The following SH3RF3 variants were observed in gnomAD, a reference collection of about 807,000 sequenced individuals.
SH3RF3 encodes E3 ubiquitin-protein ligase SH3RF3.
In SH3RF3, 29 loss-of-function variants were observed where a neutral mutation model predicts 66.3. The observed-to-expected ratio is 0.44, with a 90% confidence interval of 0.33 to 0.60. The LOEUF is 0.60. Ranked by LOEUF, SH3RF3 falls within the 20% of genes least tolerant of loss-of-function variation. The pLI is 0.04. For missense variants in SH3RF3, 1,194 were observed against 1,190.9 expected, an observed-to-expected ratio of 1.00 and a Z score of -0.04; for synonymous variants, 583 against 532.0, an observed-to-expected ratio of 1.10 and a Z score of -1.32.
chr2:109,300,154 G>A (rs1268344878), intron 1 of SH3RF3, among the ~76,000 whole-genome samples: 1 of 152,096 alleles, frequency 6.6e-6, no homozygotes, highest in Non-Finnish European at 1.5e-5. Context: ...ACAGGGATGG[G>A]AAGAATAATG....
At chr2:109,174,070 C>T (rs534089320) in intron 1 of SH3RF3, among the ~76,000 whole-genome samples, 1 of 152,216 alleles carries the variant, frequency 6.6e-6, no homozygotes, top group Non-Finnish European at 1.5e-5. Flanking sequence ...CACAGTGTCC[C>T]CATAGCCTTC....
chr2:109,301,847 G>C (rs767511028), intron 1 of SH3RF3, among the ~76,000 whole-genome samples: 69 of 152,164 alleles, frequency 4.5e-4, no homozygotes, highest in Admixed American at 5.9e-4. Flanking sequence ...TAGCATGTTT[G>C]AGAATTTTGG....
At chr2:109,216,727 T>A (rs1679108943) in intron 1 of SH3RF3, among the ~76,000 whole-genome samples, 1 of 152,238 alleles carries the variant, frequency 6.6e-6, no homozygotes, top group Non-Finnish European at 1.5e-5. Context: ...TGTCTGATCA[T>A]TTGCTAGGAC....
At chr2:109,141,584 C>T (rs1676950580) in intron 1 of SH3RF3, 1 of 154,938 alleles carries the variant, frequency 6.5e-6, no homozygotes, top group African/African-American at 2.4e-5. Flanking sequence ...CTCCAACCCA[C>T]TGCACTTTTC....
chr2:109,334,192 C>A (rs942676476), intron 1 of SH3RF3, among the ~76,000 whole-genome samples: 2 of 151,836 alleles, frequency 1.3e-5, no homozygotes. Flanking sequence ...CCCGTCCCTA[C>A]AAAAAAATAG....
At chr2:109,295,989 T>C (rs111377907) in intron 1 of SH3RF3, among the ~76,000 whole-genome samples, 5,646 of 152,142 alleles carry the variant, frequency 0.037, 264 homozygotes, top group African/African-American at 0.1. Context: ...TATAGCTTGG[T>C]TGGAGACTGA....
chr2:109,178,218 T>A (rs1677972722), intron 1 of SH3RF3, among the ~76,000 whole-genome samples: 1 of 152,256 alleles, frequency 6.6e-6, no homozygotes, highest in African/African-American at 2.4e-5. Context: ...ATTTCATACA[T>A]TGCAGAGTCA....
chr2:109,235,721 C>T (rs560134436), intron 1 of SH3RF3, among the ~76,000 whole-genome samples: 1 of 152,224 alleles, frequency 6.6e-6, no homozygotes, highest in Non-Finnish European at 1.5e-5. Flanking sequence ...CGAGGCATCC[C>T]TGTGGGAAGT....
At chr2:109,226,721 G>A (rs943236053) in intron 1 of SH3RF3, among the ~76,000 whole-genome samples, 1 of 152,134 alleles carries the variant, frequency 6.6e-6, no homozygotes, top group African/African-American at 2.4e-5. Flanking sequence ...GGATCTCCAC[G>A]CAGAAGGCGT....
At chr2:109,162,628 G>A (rs977861587) in intron 1 of SH3RF3, among the ~76,000 whole-genome samples, 1 of 152,096 alleles carries the variant, frequency 6.6e-6, no homozygotes, top group Non-Finnish European at 1.5e-5. Context: ...GTCTATCATT[G>A]TTGGACATTT....
At chr2:109,285,060 A>G (rs975723713) in intron 1 of SH3RF3, among the ~76,000 whole-genome samples, 7 of 152,214 alleles carry the variant, frequency 4.6e-5, no homozygotes, top group Non-Finnish European at 1.0e-4. Flanking sequence ...CCGGCCACAC[A>G]GCCCTGTCCT....
At chr2:109,307,872 C>T (rs1681636619) in intron 1 of SH3RF3, among the ~76,000 whole-genome samples, 1 of 127,950 alleles carries the variant, frequency 7.8e-6, no homozygotes, top group South Asian at 2.5e-4. Flanking sequence ...TGAATAATGC[C>T]GCAGTAAACA....
intron 1 of SH3RF3, among the ~76,000 whole-genome samples, chr2:109,216,626 G>T (rs996080350): frequency 6.6e-6 from 1 of 152,192 alleles, no homozygotes; most frequent in African/African-American, 2.4e-5. Context: ...TGCTCTGTAG[G>T]CTGATGGGTG....
chr2:109,129,301 G>A lies in SH3RF3; in HGVS notation c.-240G>A. On this transcript the variant is annotated 5_prime_UTR_variant, in exon 1 of 10. Coordinates refer to ENST00000309415, the MANE Select transcript of SH3RF3 (RefSeq NM_001099289.3). ...GGTGTAGCCCGCAGCCGCAGGCGCT[G>A]CGCTCAGGACTGGGCGGGCTCGGCT... 1.4e-6 allele frequency: 1 copy of A among 737,466 alleles called. No homozygotes were observed. Among genetic ancestry groups the A allele is most frequent in the Non-Finnish European group, 2.2e-6 (1 of 452,916 alleles). 45.7% of individuals were successfully genotyped at this position (737,466 alleles called of 1,614,324 possible).
At chr2:109,166,261 G>A (rs1162367562) in intron 1 of SH3RF3, among the ~76,000 whole-genome samples, 3 of 151,866 alleles carry the variant, frequency 2.0e-5, no homozygotes, top group South Asian at 4.2e-4. Flanking sequence ...GGTGGATCAC[G>A]AGGTCAGGAG....
intron 3 of SH3RF3, among the ~76,000 whole-genome samples, chr2:109,377,599 G>GA (rs1337528232): frequency 6.6e-6 from 1 of 152,076 alleles, no homozygotes; most frequent in Non-Finnish European, 1.5e-5. Flanking sequence ...ATAGATCCTG[G>GA]AAAAAATAAT....
chr2:109,253,628 G>C (rs1440087370), intron 1 of SH3RF3, among the ~76,000 whole-genome samples: 1 of 152,154 alleles, frequency 6.6e-6, no homozygotes, highest in Non-Finnish European at 1.5e-5. Flanking sequence ...GCCTGTGCTT[G>C]GGGCTGTGCT....
intron 4 of SH3RF3, among the ~76,000 whole-genome samples, chr2:109,407,031 C>T (rs1268306302): frequency 6.6e-6 from 1 of 152,232 alleles, no homozygotes; most frequent in Non-Finnish European, 1.5e-5. Context: ...TAGTGTGGCT[C>T]TGACGGCTAT....
rs184867850 is a variant in SH3RF3, at chr2:109,165,240, T to C, written c.573+35127T>C. On this transcript the variant is annotated intron_variant, in intron 1 of 9. Transcript: ENST00000309415. ...ATCCTGCAAAGAAGTCTTTACTAGG[T>C]GTATCAAGAAGGTTCAGAGTCATTT... 2.6e-5 allele frequency among the ~76,000 whole-genome samples: 4 copies of C among 152,278 alleles called. No individual in the cohort carries two copies. In the East Asian group the frequency reaches 7.7e-4, roughly 29 times the overall value.
Sources: allele counts gnomAD v4.1 joint callset (sites outside exome capture counted in the v4.1 genomes callset), GRCh38; gene constraint gnomAD v4.1.1; transcripts MANE v1.5; gene names NCBI Gene and HGNC (gene_info 2026-07-23, HGNC 2026-07-21).